Variants in BTBD19 observed in about 807,000 individuals in gnomAD.
The protein encoded by BTBD19 is BTB domain containing 19.
A neutral mutation model predicts 36.1 loss-of-function variants in BTBD19; 20 were observed. The ratio of observed to expected loss-of-function variants is 0.55; its 90% CI spans 0.39 to 0.80. The LOEUF (loss-of-function observed/expected upper bound fraction) is 0.80. Among genes scored for constraint, BTBD19 ranks in the 30% least tolerant of loss-of-function variants. The pLI, the probability that BTBD19 is intolerant of heterozygous loss-of-function variation, is 0.00. For missense variants in BTBD19, 325 were observed against 389.8 expected (o/e 0.83, Z 1.40); for synonymous variants, 157 against 174.3 (o/e 0.90, Z 0.78).
At chr1:44,808,533 TCGC>T (rs745615802) in exon 1 of BTBD19, 185 of 300,588 alleles carry the variant, frequency 6.2e-4, no homozygotes, top group African/African-American at 1.3e-3. Context: ...AGGGCCTCTT[TCGC>T]CGCCGCCGCC....
chr1:44,813,071 C>T lies in BTBD19; in HGVS notation c.483+7C>T. 1 of 1,550,678 alleles carries T rather than the reference C, an allele frequency of 6.4e-7. No homozygotes were observed. The stretch of plus-strand genomic sequence containing the variant: ...CATAGAGGCCCACAGCCAGGTACTG[C>T]TCCCTTCATACTCCTCACCCTACGC... On this transcript the variant is annotated splice_region_variant and intron_variant, in intron 5 of 7. Transcript: ENST00000450269. The surrounding 1 kb of genome is among the most constrained non-coding windows in gnomAD (Gnocchi z 7.8).
intron 1 of BTBD19, 51 bp downstream of exon 1, chr1:44,808,957 C>CCTTAGAGTCCTGGGGCCCA: frequency 1.4e-6 from 2 of 1,428,832 alleles, no homozygotes; most frequent in Non-Finnish European, 9.4e-7. Flanking sequence ...TCTGTGGGCC[C>CCTTAGAGTCCTGGGGCCCA]CAGGACTCTA....
rs567162976 is a variant in BTBD19, at chr1:44,810,325, G to A, written c.199G>A (p.Gly67Arg). 2.5e-5 allele frequency: 39 copies of A among 1,551,796 alleles called. No homozygotes were observed. The highest frequency in any genetic ancestry group is 7.3e-5 in the East Asian group (3 of 40,922). The change falls in exon 2 of 8, where the codon GGG (glycine) becomes AGG (arginine). Residue 67 changes from glycine to arginine, a missense_variant. Physicochemically the swap from Gly to Arg is moderately radical, Grantham distance 125. Transcript: ENST00000450269. This position sits in a 1 kb window ranked among gnomAD's most constrained non-coding sequence, Gnocchi z 4.2. ...ACTTCTGGGCACAGAGCCAGGCCCC[G>A]GGGTGCCCAGTCCTGTGGTGCTAAG...
In BTBD19 at chr1:44,813,201, A is replaced by G. The variant is rs1652512970; in HGVS notation, c.547A>G (p.Ser183Gly). The G allele has an allele frequency of 6.5e-7, 1 of 1,545,670 alleles. No homozygotes were observed. The highest frequency in any genetic ancestry group is 8.7e-7 in the Non-Finnish European group (1 of 1,145,050). ...GGCCGCGCTGCTGCCCCTGCTCCGC[A>G]GCGACAAGCTCTGCGTGGACGAGGC... Residue 183 changes from serine to glycine, a missense_variant, in exon 6 of 8, where the codon AGC becomes GGC. Coordinates refer to ENST00000450269, the Ensembl canonical transcript of BTBD19. The surrounding 1 kb of genome is among the most constrained non-coding windows in gnomAD (Gnocchi z 7.8).
chr1:44,811,993 G>A, intron 3 of BTBD19, 46 bp from the exon 4 acceptor site: 1 of 1,272,012 alleles, frequency 7.9e-7, no homozygotes, highest in Non-Finnish European at 1.0e-6. Flanking sequence ...CTAGTGTCTT[G>A]GAGCAGGGAC....
At chr1:44,809,667 C>G (rs12407290) in intron 1 of BTBD19, among the ~76,000 whole-genome samples, 20,339 of 152,166 alleles carry the variant, frequency 0.13, 1,531 homozygotes, top group Non-Finnish European at 0.16. Context: ...AGAGCTGGGG[C>G]CGGAAGTGAT....
intron 4 of BTBD19, among the ~76,000 whole-genome samples, chr1:44,812,753 C>T (rs138647814): frequency 5.1e-4 from 77 of 150,542 alleles, no homozygotes; most frequent in Admixed American, 1.3e-3. Context: ...GCGTGGTCTC[C>T]TGTAGGGAAG....
At chr1:44,812,940 A>T in intron 4 of BTBD19, 56 bp from the exon 5 acceptor site, 1 of 1,449,604 alleles carries the variant, frequency 6.9e-7, no homozygotes, top group Non-Finnish European at 9.3e-7. Flanking sequence ...CCCAGTGAGC[A>T]GGCTGGGCTA....
chr1:44,814,206 CTT>C (rs1245870697), downstream of BTBD19: 10 of 137,034 alleles, frequency 7.3e-5, no homozygotes, highest in Non-Finnish European at 1.0e-4. Context: ...TTCTTTCTTT[CTT>C]TCTTTTTCTT....
exon 8 of BTBD19, chr1:44,814,032 G>T (rs889934163): frequency 1.7e-6 from 1 of 594,874 alleles, no homozygotes; most frequent in African/African-American, 1.9e-5. Context: ...GATTTCCTTC[G>T]TTCCACACCC....
rs148531789 is a variant in BTBD19 at position 44,810,186 on chromosome 1, C to T, written c.87-27C>T. The T allele has an allele frequency of 5.6e-4, 865 of 1,537,898 alleles. 5 individuals carry two copies. The African/African-American group carries it at 9.2e-3, about 16-fold the overall frequency. On this transcript the variant is annotated intron_variant, in intron 1 of 7. Coordinates refer to ENST00000450269, the Ensembl canonical transcript of BTBD19. This position sits in a 1 kb window ranked among gnomAD's most constrained non-coding sequence, Gnocchi z 4.2. ...GCACTCCGGGTGCTGGCCTCCTCCCCGCTGCCTCTCTGCCTGTCTCCCACA... is the reference window on the plus strand; with the variant it reads ...GCACTCCGGGTGCTGGCCTCCTCCCTGCTGCCTCTCTGCCTGTCTCCCACA...
chr1:44,808,530 C>T, exon 1 of BTBD19: 1 of 298,816 alleles, frequency 3.3e-6, no homozygotes, highest in Non-Finnish European at 6.2e-6. Flanking sequence ...GCCAGGGCCT[C>T]TTTCGCCGCC....
chr1:44,810,333 C>T lies in BTBD19; in HGVS notation c.207C>T (p.Pro69=), dbSNP rs1652342936. ...GCACAGAGCCAGGCCCCGGGGTGCC[C>T]AGTCCTGTGGTGCTAAGCACTGTGC... The change falls in exon 2 of 8, where the codon CCC becomes CCT. Residue 69 remains proline (P), a synonymous_variant. Transcript: ENST00000450269. This position sits in a 1 kb window ranked among gnomAD's most constrained non-coding sequence, Gnocchi z 4.2. The T allele has an allele frequency of 1.3e-6, 2 of 1,551,696 alleles. No homozygotes were observed. The highest frequency in any genetic ancestry group is 1.4e-5 in the African/African-American group (1 of 73,064).
At chr1:44,811,971 T>G (rs1188192126) in intron 3 of BTBD19, 68 bp from the exon 4 acceptor site, 1 of 1,208,068 alleles carries the variant, frequency 8.3e-7, no homozygotes, top group Non-Finnish European at 1.1e-6. Flanking sequence ...GCTCACTGCT[T>G]CTGGGGTGGA....
chr1:44,809,506 C>G (rs1255523190), intron 1 of BTBD19, among the ~76,000 whole-genome samples: 2 of 152,162 alleles, frequency 1.3e-5, no homozygotes, highest in Non-Finnish European at 1.5e-5. Flanking sequence ...GAGCTCTTCC[C>G]CAAAGGGTGG....
downstream of BTBD19, chr1:44,815,141 C>G (rs928495998): frequency 5.9e-5 from 9 of 152,266 alleles, no homozygotes; most frequent in African/African-American, 2.2e-4. Context: ...CTGTCTGACA[C>G]GTCTCACAGC....
chr1:44,808,892 C>A, exon 1 of BTBD19: 1 of 1,550,182 alleles, frequency 6.5e-7, no homozygotes, highest in Non-Finnish European at 8.7e-7. Context: ...GCCTTGTCAA[C>A]AACCCGCGAT....
rs1486413802 is a variant in BTBD19, at chr1:44,813,459, G to A, written c.701G>A (p.Ser234Asn). Residue 234 changes from serine to asparagine, a missense_variant, in exon 7 of 8, where the codon AGC (serine) becomes AAC (asparagine). Transcript: ENST00000450269. The surrounding 1 kb of genome is among the most constrained non-coding windows in gnomAD (Gnocchi z 7.8). ...GCCTTGCTGGCCCCGGCGGAGCTGAGCGCCCTGGAAGAGCAGAACCGGCAG... is the reference window on the plus strand; with the variant it reads ...GCCTTGCTGGCCCCGGCGGAGCTGAACGCCCTGGAAGAGCAGAACCGGCAG... The A allele has an allele frequency of 6.5e-7, 1 of 1,546,342 alleles. No homozygotes were observed. Among genetic ancestry groups the A allele is most frequent in the Non-Finnish European group, 8.7e-7 (1 of 1,146,684 alleles).
At chr1:44,809,131 G>A (rs2148861740) in intron 1 of BTBD19, among the ~76,000 whole-genome samples, 1 of 152,284 alleles carries the variant, frequency 6.6e-6, no homozygotes, top group South Asian at 2.1e-4. Flanking sequence ...TGCTGTGTGA[G>A]CTCAGGCAAA....
Sources: allele counts gnomAD v4.1 joint callset (sites outside exome capture counted in the v4.1 genomes callset), GRCh38; gene constraint gnomAD v4.1.1; non-coding constraint Gnocchi (gnomAD v3.1); transcripts MANE v1.5; gene names NCBI Gene and HGNC (gene_info 2026-07-23, HGNC 2026-07-21).